Variants in CADPS observed in about 807,000 individuals in gnomAD.
The protein encoded by CADPS is calcium-dependent secretion activator 1.
Under a neutral mutation model 167.3 loss-of-function variants are expected in CADPS, and 57 were observed. The observed-to-expected ratio is 0.34, with a 90% confidence interval of 0.28 to 0.42. CADPS has a LOEUF of 0.42. Ranked by LOEUF, CADPS falls within the 20% of genes least tolerant of loss-of-function variation. CADPS has a pLI of 1.00. For missense variants in CADPS, 1,414 were observed against 1,738.1 expected, an observed-to-expected ratio of 0.81 and a Z score of 3.32; for synonymous variants, 676 against 635.3, an observed-to-expected ratio of 1.06 and a Z score of -0.96.
At chr3:62,662,436 C>G in intron 3 of CADPS, 42 bp from the exon 4 acceptor site, 1 of 1,559,474 alleles carries the variant, frequency 6.4e-7, no homozygotes, top group Non-Finnish European at 8.8e-7. Context: ...GTTTGGGTCA[C>G]AAGTGCCAAT....
rs1172635650 is a variant in CADPS at position 62,650,933 on chromosome 3, T to C, written c.1117A>G (p.Ser373Gly). The C allele has an allele frequency of 2.5e-6, 4 of 1,614,136 alleles. No individual in the cohort carries two copies. Among genetic ancestry groups the C allele is most frequent in the Non-Finnish European group, 2.5e-6 (3 of 1,179,992 alleles). ...GEFKLQKLKR[S>G]HNASIIDMGE... Reference sequence around the variant, plus strand: ...ATGTCGATGATGGAAGCATTGTGGCTGCGTTTGAGTTTCTGGAGCTTGAAC... The same window carrying C: ...ATGTCGATGATGGAAGCATTGTGGCCGCGTTTGAGTTTCTGGAGCTTGAAC... Residue 373 changes from serine (S) to glycine (G), a missense_variant, in exon 5 of 30, where the codon AGC becomes GGC. Coordinates refer to ENST00000383710, the MANE Select transcript of CADPS (RefSeq NM_003716.4).
rs187463464 is a variant in CADPS, at chr3:62,478,753, C to T, written c.3174-337G>A. Among the ~76,000 whole-genome samples the T allele has an allele frequency of 6.6e-6, 1 of 152,136 alleles. No individual in the cohort carries two copies. Among genetic ancestry groups the T allele is most frequent in the Non-Finnish European group, 1.5e-5 (1 of 68,020 alleles). ...GATGATTCAGATGAAGGCCACGAAC[C>T]AGGGGGAGAAATAGTCTCAACAGAT... On this transcript the variant is annotated intron_variant, in intron 22 of 29. Transcript: ENST00000383710. The surrounding 1 kb of genome is among the most constrained non-coding windows in gnomAD (Gnocchi z 5.7).
Position 62,599,642 on chromosome 3 carries a change from TATATA to T in CADPS, c.1326-6899_1326-6895del, listed in dbSNP as rs1225539503. ...ATAATATATAATATAATAAATATAA[TATATA>T]ATATATAATATAATATATATTATAT... On this transcript the variant is annotated intron_variant, in intron 6 of 29. Transcript: ENST00000383710. 3.2e-3 allele frequency among the ~76,000 whole-genome samples: 16 copies of T among 5,070 alleles called. No individual in the cohort carries two copies. In the East Asian group the frequency reaches 0.12, roughly 37 times the overall value. The allele number at this position is 5,070 out of a possible 152,430, so 3.3% of individuals were successfully genotyped here.
intron 28 of CADPS, among the ~76,000 whole-genome samples, chr3:62,417,273 A>ATTTTTTTTTTTTTT (rs1491233573): frequency 1.9e-5 from 1 of 51,534 alleles, no homozygotes; most frequent in Non-Finnish European, 3.5e-5. Context: ...TTTTTCTTTT[A>ATTTTTTTTTTTTTT]CTCTTTTTTT....
intron 1 of CADPS, among the ~76,000 whole-genome samples, chr3:62,795,182 C>A (rs1420348193): frequency 2.0e-5 from 3 of 152,114 alleles, no homozygotes; most frequent in East Asian, 1.9e-4. Context: ...AGGGCCTTTG[C>A]ACACACTAGA....
intron 13 of CADPS, among the ~76,000 whole-genome samples, chr3:62,528,852 T>C (rs1437083663): frequency 6.6e-6 from 1 of 152,184 alleles, no homozygotes; most frequent in Admixed American, 6.6e-5. Flanking sequence ...GAATATTTTA[T>C]AGCAAATGTT....
chr3:62,400,936 T>C (rs1041327558), intron 29 of CADPS, among the ~76,000 whole-genome samples: 1 of 152,190 alleles, frequency 6.6e-6, no homozygotes, highest in Non-Finnish European at 1.5e-5. Flanking sequence ...AATGCGGTCA[T>C]GATAGCAACA....
rs879609072 is a variant in CADPS, at chr3:62,478,386, A to G, written c.3204T>C (p.Phe1068=). The G allele has an allele frequency of 1.9e-6, 3 of 1,613,804 alleles. No individual in the cohort carries two copies. Among genetic ancestry groups the G allele is most frequent in the South Asian group, 1.1e-5 (1 of 91,052 alleles). ...DNGSGTSEDL[F]WKLDALQTFI... is the part of the protein sequence containing the mutation. ...AGGTCTGAAGGGCGTCAAGTTTCCAAAACAGATCTTCTGAGGTGCCTGACC... is the reference window on the plus strand; with the variant it reads ...AGGTCTGAAGGGCGTCAAGTTTCCAGAACAGATCTTCTGAGGTGCCTGACC... The change falls in exon 23 of 30, where the codon TTT becomes TTC. Residue 1068 remains phenylalanine, a synonymous_variant. Transcript: ENST00000383710. The surrounding 1 kb of genome is among the most constrained non-coding windows in gnomAD (Gnocchi z 5.7).
chr3:62,784,051 T>C (rs1268113116), intron 1 of CADPS, among the ~76,000 whole-genome samples: 1 of 152,184 alleles, frequency 6.6e-6, no homozygotes, highest in Non-Finnish European at 1.5e-5. Flanking sequence ...TGATTTCCTG[T>C]CTTAAGCATG....
chr3:62,841,700 C>T (rs2076675968), intron 1 of CADPS, among the ~76,000 whole-genome samples: 1 of 152,132 alleles, frequency 6.6e-6, no homozygotes, highest in Non-Finnish European at 1.5e-5. Context: ...GAACCTGTCT[C>T]AAAAATATGT....
intron 3 of CADPS, among the ~76,000 whole-genome samples, chr3:62,681,555 A>C (rs976135878): frequency 2.0e-5 from 3 of 152,078 alleles, no homozygotes; most frequent in African/African-American, 7.2e-5. Context: ...GTACACATCT[A>C]ATCCTCCTAC....
Position 62,585,304 on chromosome 3 carries a change from C to G in CADPS, c.1458G>C (p.Pro486=). The change falls in exon 8 of 30, where the codon CCG becomes CCC. Residue 486 remains proline, a synonymous_variant. Coordinates refer to ENST00000383710, the MANE Select transcript of CADPS (RefSeq NM_003716.4). ...ELGRVILHPT[P]NSPKQSEWHK... Reference sequence around the variant, plus strand: ...GCCACTCTGACTGTTTGGGGCTGTTCGGGGTGGGATGGAGAATAACCTGTA... The same window carrying G: ...GCCACTCTGACTGTTTGGGGCTGTTGGGGGTGGGATGGAGAATAACCTGTA... The G allele has an allele frequency of 1.2e-6, 2 of 1,610,800 alleles. No individual in the cohort carries two copies. Among genetic ancestry groups the G allele is most frequent in the Non-Finnish European group, 1.7e-6 (2 of 1,178,188 alleles).
chr3:62,526,228 AT>A (rs1189937314), intron 13 of CADPS, among the ~76,000 whole-genome samples: 1 of 152,142 alleles, frequency 6.6e-6, no homozygotes, highest in Admixed American at 6.6e-5. Context: ...CTCCAAATAC[AT>A]CGCCCAAAAG....
At chr3:62,803,635 TG>T (rs2093914783) in intron 1 of CADPS, among the ~76,000 whole-genome samples, 1 of 152,102 alleles carries the variant, frequency 6.6e-6, no homozygotes, top group South Asian at 2.1e-4. Flanking sequence ...TCTGTAAAAG[TG>T]GGTATAACAA....
intron 5 of CADPS, among the ~76,000 whole-genome samples, chr3:62,646,639 G>GCAGGGATTAT (rs988526171): frequency 6.6e-6 from 1 of 152,192 alleles, no homozygotes; most frequent in Non-Finnish European, 1.5e-5. Flanking sequence ...ACAGGGATTA[G>GCAGGGATTAT]CAGGGACTAT....
chr3:62,443,507 A>G (rs1261342603), intron 27 of CADPS, among the ~76,000 whole-genome samples: 1 of 152,124 alleles, frequency 6.6e-6, no homozygotes, highest in Non-Finnish European at 1.5e-5. Flanking sequence ...CTTGAATTAT[A>G]GCTCCCACAA....
intron 3 of CADPS, among the ~76,000 whole-genome samples, chr3:62,722,984 G>T (rs2076096556): frequency 6.6e-6 from 1 of 152,016 alleles, no homozygotes; most frequent in South Asian, 2.1e-4. Flanking sequence ...TGTCAAAATT[G>T]CCCCCAGTTG....
rs776920706 is a variant in CADPS, at chr3:62,592,617, T to C, written c.1437+20A>G. On this transcript the variant is annotated intron_variant, in intron 7 of 29. Transcript: ENST00000383710. ...GGAAATCCTCTCTGTGGAGTTCCCC[T>C]TGTGATAAGAAGTGCTTACCCGCCC... is the stretch of plus-strand genomic sequence containing the variant. 1.3e-6 allele frequency: 2 copies of C among 1,583,942 alleles called. No individual in the cohort carries two copies. The highest frequency in any genetic ancestry group is 1.7e-6 in the Non-Finnish European group (2 of 1,152,896).
At chr3:62,466,443 T>G in intron 24 of CADPS, 30 bp from the exon 25 acceptor site, 1 of 1,460,910 alleles carries the variant, frequency 6.8e-7, no homozygotes, top group South Asian at 1.1e-5. Context: ...AATATTAGCA[T>G]GTTTGGGAGG....
Sources: gnomAD v4.1 joint callset for allele counts (sites outside exome capture counted in the v4.1 genomes callset) on GRCh38, gnomAD v4.1.1 for gene constraint, Gnocchi (gnomAD v3.1) non-coding constraint, MANE v1.5 for transcripts, NCBI Gene and HGNC (gene_info 2026-07-23, HGNC 2026-07-21) for gene names.